DSG2: variants seen among roughly 807,000 people sequenced by gnomAD.
DSG2 encodes desmoglein-2.
Under a neutral mutation model 75.6 loss-of-function variants are expected in DSG2, and 45 were observed. The ratio of observed to expected loss-of-function variants is 0.60; its 90% CI spans 0.47 to 0.76. DSG2 has a LOEUF of 0.76. DSG2 is among the 30% of genes least tolerant of loss of function. DSG2 has a pLI of 0.00. For missense variants in DSG2, 1,267 were observed against 1,357.4 expected (o/e 0.93, Z 1.05); for synonymous variants, 429 against 483.9 (o/e 0.89, Z 1.49).
chr18:31,522,159 C>T lies in DSG2; in HGVS notation c.600C>T (p.Ile200=), dbSNP rs535646295. 3.7e-6 allele frequency: 6 copies of T among 1,613,624 alleles called. No individual in the cohort carries two copies. Among genetic ancestry groups the T allele is most frequent in the Middle Eastern group, 1.7e-4 (1 of 6,058 alleles). ...TGAATTCGAAAATTTCCTATAGAAT[C>T]GTATCTCTGGAGCCTGCTTATCCTC... ...NTLNSKISYR[I]VSLEPAYPPV... is the part of the protein sequence containing the mutation. The change falls in exon 6 of 15, where the codon ATC becomes ATT. Residue 200 remains isoleucine, a synonymous_variant. Coordinates refer to ENST00000261590, the MANE Select transcript of DSG2 (RefSeq NM_001943.5).
At chr18:31,536,579 A>G in intron 11 of DSG2, 150 bp downstream of exon 11, 2 of 807,676 alleles carry the variant, frequency 2.5e-6, no homozygotes, top group Non-Finnish European at 2.0e-6. Context: ...ACTGACATAT[A>G]GTATCTTTTA....
Position 31,520,925 on chromosome 18 carries a change from T to C in DSG2, c.339T>C (p.Val113=). ...ACAAAGATACTGGAGAACTGAATGTTACCAGCATTCTTGATCGAGAAGAAA... is the reference window on the plus strand; with the variant it reads ...ACAAAGATACTGGAGAACTGAATGTCACCAGCATTCTTGATCGAGAAGAAA... The part of the protein sequence containing the change: ...VFNKDTGELN[V]TSILDREETP... The change falls in exon 4 of 15, where the codon GTT becomes GTC. Residue 113 remains valine, a synonymous_variant. Coordinates refer to ENST00000261590, the MANE Select transcript of DSG2 (RefSeq NM_001943.5). 6.2e-7 allele frequency: 1 copy of C among 1,613,928 alleles called. No individual in the cohort carries two copies. The highest frequency in any genetic ancestry group is 8.5e-7 in the Non-Finnish European group (1 of 1,179,922).
chr18:31,525,518 CAAA>C (rs142906831), intron 8 of DSG2, among the ~76,000 whole-genome samples: 2 of 130,670 alleles, frequency 1.5e-5, no homozygotes, highest in Admixed American at 7.8e-5. Context: ...GACCCTGACT[CAAA>C]AAAAAAAAAA....
chr18:31,543,733 G>T (rs1257842080), intron 14 of DSG2, among the ~76,000 whole-genome samples: 2 of 152,054 alleles, frequency 1.3e-5, no homozygotes, highest in Non-Finnish European at 2.9e-5. Flanking sequence ...GGGCATGCTG[G>T]CACACACCTG....
chr18:31,521,125 A>T lies in DSG2; in HGVS notation c.405A>T (p.Arg135Ser). 3 of 1,614,060 alleles carry T rather than the reference A, an allele frequency of 1.9e-6. No homozygotes were observed. The highest frequency in any genetic ancestry group is 8.5e-7 in the Non-Finnish European group (1 of 1,179,958). ...TAACAGGTTACGCTTTGGATGCAAG[A>T]GGAAACAATGTAGAGAAACCCTTAG... is the stretch of plus-strand genomic sequence containing the variant. ...FLLTGYALDA[R>S]GNNVEKPLEL... The change falls in exon 5 of 15, where the codon AGA (arginine) becomes AGT (serine). Residue 135 changes from arginine to serine, a missense_variant. By Grantham distance (110) the Arg-to-Ser change is moderately radical. Transcript: ENST00000261590.
intron 1 of DSG2, among the ~76,000 whole-genome samples, chr18:31,499,142 G>C (rs1400297326): frequency 2.0e-5 from 3 of 152,024 alleles, no homozygotes; most frequent in Non-Finnish European, 2.9e-5. Flanking sequence ...TTACTAAAGG[G>C]GTTTTAATAA....
At chr18:31,517,465 G>C (rs1429702392) in intron 1 of DSG2, among the ~76,000 whole-genome samples, 1 of 152,162 alleles carries the variant, frequency 6.6e-6, no homozygotes, top group Admixed American at 6.5e-5. Flanking sequence ...ATAATGAAAA[G>C]ACAAGTATTT....
At position 31,546,833 on chromosome 18, in the gene DSG2, GAC is replaced by G. The variant is rs1424201257; in HGVS notation, c.*96_*97del. 3 of 1,332,394 alleles carry G rather than the reference GAC, an allele frequency of 2.3e-6. No individual in the cohort carries two copies. Among genetic ancestry groups the G allele is most frequent in the South Asian group, 1.2e-5 (1 of 84,018 alleles). The allele number at this position is 1,332,394 out of a possible 1,614,324, so 82.5% of individuals were successfully genotyped here. A position where few individuals can be genotyped will look rare whatever the true frequency, so the allele number is the denominator to read the frequency against. On this transcript the variant is annotated 3_prime_UTR_variant, in exon 15 of 15. Transcript: ENST00000261590. ...TACCTGATTTTTCATGAGCCTTACAGACACACAGAGACACATACACATTGATC... is the reference window on the plus strand; with the variant it reads ...TACCTGATTTTTCATGAGCCTTACAGACACAGAGACACATACACATTGATC...
At position 31,546,313 on chromosome 18, in the gene DSG2, A is replaced by G; in HGVS notation, c.2927A>G (p.Asp976Gly). The part of the protein sequence containing the change: ...RVYAPASTLV[D>G]QPYANEGTVV... ...TATGCTCCAGCTTCTACCTTGGTAGATCAGCCTTATGCTAATGAAGGTACA... is the reference window on the plus strand; with the variant it reads ...TATGCTCCAGCTTCTACCTTGGTAGGTCAGCCTTATGCTAATGAAGGTACA... The change falls in exon 15 of 15, where the codon GAT becomes GGT. Residue 976 changes from aspartate to glycine, a missense_variant. Transcript: ENST00000261590. The G allele has an allele frequency of 6.2e-7, 1 of 1,605,504 alleles. No individual in the cohort carries two copies. The highest frequency in any genetic ancestry group is 1.1e-5 in the South Asian group (1 of 89,920).
At chr18:31,527,458 T>C (rs1368375025) in intron 8 of DSG2, among the ~76,000 whole-genome samples, 3 of 152,152 alleles carry the variant, frequency 2.0e-5, no homozygotes, top group Non-Finnish European at 4.4e-5. Flanking sequence ...TCAAGAGGGA[T>C]GTGGATAAAA....
At chr18:31,540,877 A>T (rs2073262505) in intron 12 of DSG2, among the ~76,000 whole-genome samples, 1 of 152,160 alleles carries the variant, frequency 6.6e-6, no homozygotes, top group South Asian at 2.1e-4. Context: ...AAAAAAATTA[A>T]TCTTTAAGCT....
At chr18:31,537,981 G>A (rs559017437) in intron 11 of DSG2, among the ~76,000 whole-genome samples, 2 of 152,064 alleles carry the variant, frequency 1.3e-5, no homozygotes, top group Non-Finnish European at 2.9e-5. Flanking sequence ...GCAACAGAAC[G>A]AGACTCCATT....
intron 1 of DSG2, among the ~76,000 whole-genome samples, chr18:31,512,617 C>T (rs1205001056): frequency 2.0e-5 from 3 of 152,254 alleles, no homozygotes; most frequent in African/African-American, 7.2e-5. Flanking sequence ...CCAAAGTCCT[C>T]TCCCTGACTG....
chr18:31,510,131 A>T (rs1186479667), intron 1 of DSG2, among the ~76,000 whole-genome samples: 3 of 152,268 alleles, frequency 2.0e-5, no homozygotes, highest in Non-Finnish European at 2.9e-5. Context: ...TGAGGTGGGC[A>T]TGAATTTAAA....
In DSG2 at chr18:31,506,884, C is replaced by T. The variant is rs143843387; in HGVS notation, c.45+8588C>T. Among the ~76,000 whole-genome samples the T allele has an allele frequency of 6.6e-3, 998 of 151,932 alleles. 9 individuals are homozygous for T. The highest frequency in any genetic ancestry group is 0.023 in the African/African-American group (949 of 41,414). ...TAGTTTGCTTGTTTGAGCAATCCAA[C>T]GACTTCAAGGAAAAGAAAAAGTATC... On this transcript the variant is annotated intron_variant, in intron 1 of 14. Coordinates refer to ENST00000261590, the MANE Select transcript of DSG2 (RefSeq NM_001943.5).
chr18:31,522,674 C>T (rs1404395360), intron 6 of DSG2: 1 of 171,622 alleles, frequency 5.8e-6, no homozygotes, highest in East Asian at 1.6e-4. Context: ...AAAAACAGCA[C>T]CATTCTAGGG....
intron 8 of DSG2, among the ~76,000 whole-genome samples, chr18:31,525,333 T>G (rs567249354): frequency 6.6e-6 from 1 of 152,112 alleles, no homozygotes; most frequent in South Asian, 2.1e-4. Flanking sequence ...CTGGACAACA[T>G]GGCAAATCCC....
intron 1 of DSG2, among the ~76,000 whole-genome samples, chr18:31,500,035 G>GT (rs1409641829): frequency 8.7e-5 from 5 of 57,530 alleles, no homozygotes; most frequent in Admixed American, 1.5e-4. Context: ...CAGTTTTTTG[G>GT]TAAAAAAAAA....
intron 1 of DSG2, among the ~76,000 whole-genome samples, chr18:31,511,732 A>T (rs149676463): frequency 1.4e-4 from 22 of 152,306 alleles, no homozygotes. Context: ...AATTCTTCTG[A>T]TGTTTTAGTG....
Sources: allele counts gnomAD v4.1 joint callset (sites outside exome capture counted in the v4.1 genomes callset), GRCh38; gene constraint gnomAD v4.1.1; transcripts MANE v1.5; gene names NCBI Gene and HGNC (gene_info 2026-07-23, HGNC 2026-07-21).